The following TM9SF4 variants were observed in gnomAD, a reference collection of about 807,000 sequenced individuals.
TM9SF4 encodes the protein transmembrane 9 superfamily member 4.
TM9SF4 carries 26 observed loss-of-function variants against 90.4 expected under a neutral mutation model. The observed-to-expected ratio is 0.29, with a 90% CI of 0.21 to 0.40. The LOEUF is 0.40. TM9SF4 is among the 10% of genes least tolerant of loss of function. The pLI is 1.00. For synonymous variants in TM9SF4, 293 were observed against 315.4 expected (o/e 0.93, Z 0.75); for missense variants, 549 against 834.8 (o/e 0.66, Z 4.22).
chr20:32,129,586 G>C (rs967962353), intron 1 of TM9SF4, among the ~76,000 whole-genome samples: 25 of 149,650 alleles, frequency 1.7e-4, no homozygotes, highest in African/African-American at 5.2e-4. Flanking sequence ...TTTTACTATT[G>C]TAAGTAGTGA....
chr20:32,154,041 G>A (rs1297563418), intron 12 of TM9SF4, among the ~76,000 whole-genome samples: 2 of 152,152 alleles, frequency 1.3e-5, no homozygotes, highest in African/African-American at 2.4e-5. Context: ...GGTGAGACAA[G>A]GTACATAGGA....
chr20:32,138,282 A>C (rs1052370555), intron 3 of TM9SF4, among the ~76,000 whole-genome samples: 15 of 152,000 alleles, frequency 9.9e-5, no homozygotes, highest in African/African-American at 3.6e-4. Flanking sequence ...AGAACCCTGG[A>C]CTCTTTGGGA....
chr20:32,118,182 A>T (rs535208466), intron 1 of TM9SF4, among the ~76,000 whole-genome samples: 37 of 152,210 alleles, frequency 2.4e-4, no homozygotes, highest in Non-Finnish European at 3.1e-4. Flanking sequence ...TTCTCTGTGT[A>T]TTGGAATATT....
rs941307204 is a variant in TM9SF4 at position 32,165,228 on chromosome 20, G to A, written c.1780-67G>A. ...TTCCCCATGATATCAGTGAGAGTGG[G>A]GCCCCAGTTCGCCATGCAGCCTGGC... On this transcript the variant is annotated intron_variant, in intron 17 of 17. Transcript: ENST00000398022. The A allele has an allele frequency of 1.9e-6, 3 of 1,597,722 alleles. No individual in the cohort carries two copies. The African/African-American group carries it at 4.0e-5, about 21-fold the overall frequency.
At chr20:32,150,573 A>G (rs2046827461) in intron 10 of TM9SF4, 49 bp from the exon 11 acceptor site, 2 of 1,609,478 alleles carry the variant, frequency 1.2e-6, no homozygotes, top group African/African-American at 1.3e-5. Context: ...AGGCCTGGTG[A>G]TCAGCCACCC....
At chr20:32,142,017 T>C (rs998737387) in intron 5 of TM9SF4, 122 bp downstream of exon 5, 51 of 1,508,130 alleles carry the variant, frequency 3.4e-5, no homozygotes, top group African/African-American at 6.9e-5. Flanking sequence ...CTGGGCATGA[T>C]GGTCTGTCAG....
intron 10 of TM9SF4, among the ~76,000 whole-genome samples, chr20:32,150,306 G>C (rs1407128527): frequency 6.6e-6 from 1 of 152,192 alleles, no homozygotes; most frequent in Admixed American, 6.5e-5. Context: ...TGGATTCAGA[G>C]ACCTGGCATT....
chr20:32,144,663 G>A (rs576227937), intron 6 of TM9SF4, among the ~76,000 whole-genome samples: 1 of 152,242 alleles, frequency 6.6e-6, no homozygotes, highest in African/African-American at 2.4e-5. Context: ...TGATCCCAGC[G>A]CTTTGGGAGG....
At chr20:32,155,247 C>T in intron 13 of TM9SF4, 61 bp downstream of exon 13, 5 of 1,395,788 alleles carry the variant, frequency 3.6e-6, no homozygotes, top group Non-Finnish European at 4.1e-6. Context: ...TTGCACTCAG[C>T]CCTACTCCCA....
At chr20:32,142,115 G>A (rs183365924) in intron 5 of TM9SF4, among the ~76,000 whole-genome samples, 90 of 151,978 alleles carry the variant, frequency 5.9e-4, no homozygotes, top group African/African-American at 2.0e-3. Context: ...ATTTTTGTAA[G>A]ATTAAAACAA....
At chr20:32,116,506 C>A (rs1313145602) in intron 1 of TM9SF4, 2 of 152,328 alleles carry the variant, frequency 1.3e-5, no homozygotes, top group Non-Finnish European at 2.9e-5. Context: ...ACCTGGACTT[C>A]CGCAGTGCAG....
intron 8 of TM9SF4, 141 bp downstream of exon 8, chr20:32,145,564 TC>T: frequency 1.4e-6 from 1 of 700,776 alleles, no homozygotes; most frequent in East Asian, 2.7e-5. Context: ...CTGCTAAGCA[TC>T]AGGTGTACAT....
chr20:32,165,303 C>G lies in TM9SF4; in HGVS notation c.1788C>G (p.Ile596Met). 1 of 1,614,206 alleles carries G rather than the reference C, an allele frequency of 6.2e-7. No individual in the cohort carries two copies. The highest frequency in any genetic ancestry group is 2.2e-5 in the East Asian group (1 of 44,882). Residue 596 changes from isoleucine (I) to methionine (M), a missense_variant, in exon 18 of 18, where the codon ATC becomes ATG. By Grantham distance (10) the Ile-to-Met change is conservative (BLOSUM62 1). Coordinates refer to ENST00000398022, the MANE Select transcript of TM9SF4 (RefSeq NM_014742.4). ...TCTGCTCGTGGCCGCAGCTGGACAT[C>G]GTGGAGTTCATCCCCTCTCTCCTCT... ...AIFYFVNKLD[I>M]VEFIPSLLYF...
chr20:32,166,880 G>A lies in TM9SF4; in HGVS notation c.*1436G>A, dbSNP rs2047106070. On this transcript the variant is annotated 3_prime_UTR_variant, in exon 18 of 18. Coordinates refer to ENST00000398022, the MANE Select transcript of TM9SF4 (RefSeq NM_014742.4). Reference sequence around the variant, plus strand: ...AAGCTCAGGATGCTGGTGATGCTAGGAAGATGTCCCTCCCCTCACTGCCCC... The same window carrying A: ...AAGCTCAGGATGCTGGTGATGCTAGAAAGATGTCCCTCCCCTCACTGCCCC... 3 of 152,142 alleles carry A rather than the reference G, an allele frequency of 2.0e-5. No individual in the cohort carries two copies. The allele number at this position is 152,142 out of a possible 1,614,324, so 9.4% of individuals were successfully genotyped here.
chr20:32,122,028 G>A (rs1412248055), intron 1 of TM9SF4, among the ~76,000 whole-genome samples: 2 of 140,950 alleles, frequency 1.4e-5, no homozygotes, highest in African/African-American at 2.7e-5. Context: ...CGGGCGGGGG[G>A]CTGACCCCCC....
At chr20:32,122,495 G>A (rs1346321026) in intron 1 of TM9SF4, among the ~76,000 whole-genome samples, 33 of 149,538 alleles carry the variant, frequency 2.2e-4, no homozygotes, top group African/African-American at 6.9e-4. Context: ...CAGACGGGGC[G>A]GCCGGGCAGA....
chr20:32,121,209 C>CTTTTTTTTTTTTTTTTTT (rs200664375), intron 1 of TM9SF4, among the ~76,000 whole-genome samples: 1 of 138,272 alleles, frequency 7.2e-6, no homozygotes. Flanking sequence ...TTTTATTTTT[C>CTTTTTTTTTTTTTTTTTT]TTTTTTTTTT....
chr20:32,122,916 C>G (rs575067990), intron 1 of TM9SF4, among the ~76,000 whole-genome samples: 251 of 151,950 alleles, frequency 1.7e-3, no homozygotes, highest in African/African-American at 5.2e-3. Flanking sequence ...TCTGCAATCC[C>G]GGCACCTCGG....
rs140434048 is a variant in TM9SF4 at position 32,145,116 on chromosome 20, G to A, written c.678G>A (p.Ser226=). Residue 226 remains serine (S), a synonymous_variant, in exon 7 of 18, where the codon TCG becomes TCA. Transcript: ENST00000398022. ...LEDLKADEKS[S]CTLPEGTNSS... ...ACCTCAAAGCAGATGAGAAGAGTTC[G>A]TGCACTCTGCCTGAGGGTACCAACT... 43 of 1,613,998 alleles carry A rather than the reference G, an allele frequency of 2.7e-5. No individual in the cohort carries two copies. The highest frequency in any genetic ancestry group is 2.5e-4 in the African/African-American group (19 of 74,916).
Sources: allele counts gnomAD v4.1 joint callset (sites outside exome capture counted in the v4.1 genomes callset), GRCh38; gene constraint gnomAD v4.1.1; transcripts MANE v1.5; gene names NCBI Gene and HGNC (gene_info 2026-07-23, HGNC 2026-07-21).